ZNF385D: variants seen among roughly 807,000 people sequenced by gnomAD.
ZNF385D encodes the protein zinc finger protein 385D.
A neutral mutation model predicts 35.8 loss-of-function variants in ZNF385D; 15 were observed. The ratio of observed to expected loss-of-function variants is 0.42; its 90% CI spans 0.28 to 0.64. ZNF385D has a LOEUF of 0.64. Among genes scored for constraint, ZNF385D ranks in the 30% least tolerant of loss-of-function variants. ZNF385D has a pLI of 0.23. For synonymous variants in ZNF385D, 212 were observed against 186.8 expected, an observed-to-expected ratio of 1.13 and a Z score of -1.10; for missense variants, 474 against 494.6, an observed-to-expected ratio of 0.96 and a Z score of 0.39.
At chr3:22,355,058 G>C (rs948303609) in intron 2 of ZNF385D, among the ~76,000 whole-genome samples, 1 of 151,912 alleles carries the variant, frequency 6.6e-6, no homozygotes, top group Non-Finnish European at 1.5e-5. Flanking sequence ...ATTTGTTTGT[G>C]AGCCTCTATA....
At chr3:21,928,178 T>A (rs1160357917) in intron 3 of ZNF385D, among the ~76,000 whole-genome samples, 1 of 151,510 alleles carries the variant, frequency 6.6e-6, no homozygotes, top group African/African-American at 2.4e-5. Context: ...ATGACTGCAC[T>A]ACAGCCTAGG....
intron 2 of ZNF385D, among the ~76,000 whole-genome samples, chr3:21,592,444 T>C (rs2064003077): frequency 6.6e-6 from 1 of 151,922 alleles, no homozygotes; most frequent in Admixed American, 6.6e-5. Context: ...TGGCAATATA[T>C]TGATGTGTCT....
intron 5 of ZNF385D, among the ~76,000 whole-genome samples, chr3:21,432,517 T>C (rs1701341099): frequency 6.6e-6 from 1 of 152,160 alleles, no homozygotes; most frequent in African/African-American, 2.4e-5. Flanking sequence ...TTTTTCTTTT[T>C]TTCTTTCAAA....
chr3:21,792,385 C>G (rs1393833676), intron 3 of ZNF385D, among the ~76,000 whole-genome samples: 1 of 152,150 alleles, frequency 6.6e-6, no homozygotes, highest in African/African-American at 2.4e-5. Flanking sequence ...CTAAATCTGG[C>G]CTGCCACCTG....
chr3:22,252,471 T>A lies in ZNF385D; in HGVS notation c.107-83436A>T, dbSNP rs190810486. On this transcript the variant is annotated intron_variant, in intron 2 of 5. Coordinates refer to the ZNF385D transcript ENST00000494108. The stretch of plus-strand genomic sequence containing the variant: ...TATGTTTAAGTAGATTGTTATATTA[T>A]TTAATGTGGTATGACAAAGATATGA... 4.1e-3 allele frequency among the ~76,000 whole-genome samples: 618 copies of A among 152,206 alleles called. 4 individuals carry two copies. The highest frequency in any genetic ancestry group is 0.016 in the South Asian group (79 of 4,824).
At chr3:22,361,794 A>C (rs1254473245) in intron 2 of ZNF385D, among the ~76,000 whole-genome samples, 1 of 152,002 alleles carries the variant, frequency 6.6e-6, no homozygotes, top group Non-Finnish European at 1.5e-5. Flanking sequence ...CTCGGAAATC[A>C]CTTGACCTTT....
intron 1 of ZNF385D, among the ~76,000 whole-genome samples, chr3:21,731,860 C>T (rs552773245): frequency 5.3e-5 from 8 of 152,150 alleles, no homozygotes; most frequent in African/African-American, 1.7e-4. Context: ...TAATGTCCCA[C>T]CATGCCTTTT....
chr3:22,253,712 A>G (rs1447207566), intron 2 of ZNF385D, among the ~76,000 whole-genome samples: 1 of 151,968 alleles, frequency 6.6e-6, no homozygotes, highest in Non-Finnish European at 1.5e-5. Context: ...TGCAAGAATG[A>G]TTAGATAAGA....
chr3:21,690,624 A>G (rs991670914), intron 1 of ZNF385D, among the ~76,000 whole-genome samples: 8 of 152,116 alleles, frequency 5.3e-5, no homozygotes, highest in Admixed American at 1.3e-4. Context: ...TATAACACTT[A>G]CCTTGAAGAC....
chr3:21,835,625 A>G (rs1226563354), intron 3 of ZNF385D, among the ~76,000 whole-genome samples: 1 of 152,134 alleles, frequency 6.6e-6, no homozygotes, highest in Admixed American at 6.6e-5. Flanking sequence ...AAAATGGAGA[A>G]AGAGGCATGT....
At chr3:21,703,819 C>T (rs1026310027) in intron 1 of ZNF385D, among the ~76,000 whole-genome samples, 1 of 152,118 alleles carries the variant, frequency 6.6e-6, no homozygotes, top group Non-Finnish European at 1.5e-5. Context: ...AAACTGAGCC[C>T]AGGCACTTAC....
At chr3:22,259,364 T>C (rs1036725665) in intron 2 of ZNF385D, among the ~76,000 whole-genome samples, 4 of 151,622 alleles carry the variant, frequency 2.6e-5, no homozygotes, top group African/African-American at 9.7e-5. Flanking sequence ...ATAGCAATTA[T>C]TAAGTCATTT....
intron 2 of ZNF385D, among the ~76,000 whole-genome samples, chr3:22,363,149 A>T (rs1696493005): frequency 1.0e-5 from 1 of 99,970 alleles, no homozygotes; most frequent in African/African-American, 4.0e-5. Context: ...AGCAGAGGGC[A>T]AGGTCTACCA....
intron 3 of ZNF385D, among the ~76,000 whole-genome samples, chr3:21,857,118 C>T (rs1043313738): frequency 4.6e-5 from 7 of 152,086 alleles, no homozygotes; most frequent in Non-Finnish European, 1.5e-5. Context: ...GATCTCAGCC[C>T]TCACCAACTC....
chr3:22,042,623 C>G (rs1300442917), intron 3 of ZNF385D, among the ~76,000 whole-genome samples: 1 of 152,148 alleles, frequency 6.6e-6, no homozygotes, highest in East Asian at 1.9e-4. Flanking sequence ...TACTTCTCTG[C>G]TGGGAAAGCC....
chr3:22,006,577 T>G (rs1041176651), intron 3 of ZNF385D, among the ~76,000 whole-genome samples: 1 of 151,734 alleles, frequency 6.6e-6, no homozygotes, highest in African/African-American at 2.4e-5. Context: ...AGATGGAAAA[T>G]GGACAATAAA....
chr3:21,421,644 T>C (rs1387002580), intron 7 of ZNF385D, among the ~76,000 whole-genome samples, 197 bp from the exon 8 acceptor site: 1 of 152,128 alleles, frequency 6.6e-6, no homozygotes, highest in Non-Finnish European at 1.5e-5. Flanking sequence ...TACCTGAAAA[T>C]GGCCAACCGG....
At chr3:22,297,342 C>G (rs1702644312) in intron 2 of ZNF385D, among the ~76,000 whole-genome samples, 1 of 152,104 alleles carries the variant, frequency 6.6e-6, no homozygotes, top group Non-Finnish European at 1.5e-5. Flanking sequence ...AAAAAGCTAT[C>G]TTTTGGCCAG....
chr3:21,833,941 A>G (rs1024646339), intron 3 of ZNF385D, among the ~76,000 whole-genome samples: 4 of 152,310 alleles, frequency 2.6e-5, no homozygotes, highest in African/African-American at 7.2e-5. Flanking sequence ...AAATGATTTA[A>G]AAGATAAAGT....
Sources: gnomAD v4.1 joint callset for allele counts (sites outside exome capture counted in the v4.1 genomes callset) on GRCh38, gnomAD v4.1.1 for gene constraint, MANE v1.5 for transcripts, NCBI Gene and HGNC (gene_info 2026-07-23, HGNC 2026-07-21) for gene names.